Variants in RNF123 observed in about 807,000 individuals in gnomAD.
RNF123 encodes E3 ubiquitin-protein ligase RNF123.
RNF123 carries 86 observed loss-of-function variants against 168.5 expected under a neutral mutation model. The observed-to-expected ratio is 0.51, with a 90% confidence interval of 0.43 to 0.61. RNF123 has a LOEUF of 0.61. Ranked by LOEUF, RNF123 falls within the 20% of genes least tolerant of loss-of-function variation. RNF123 has a pLI of 0.00. For missense variants in RNF123, 1,419 were observed against 1,729.7 expected (o/e 0.82, Z 3.19); for synonymous variants, 666 against 689.1 (o/e 0.97, Z 0.52).
At chr3:49,711,303 A>C (rs1182834973) in intron 26 of RNF123, among the ~76,000 whole-genome samples, 1 of 152,070 alleles carries the variant, frequency 6.6e-6, no homozygotes, top group Non-Finnish European at 1.5e-5. Context: ...ATGTGCCCAA[A>C]AGTTATGCTC....
intron 5 of RNF123, 113 bp from the exon 6 acceptor site, chr3:49,697,772 C>A: frequency 7.6e-7 from 1 of 1,317,308 alleles, no homozygotes; most frequent in Non-Finnish European, 1.1e-6. Flanking sequence ...GCAGTGTTGG[C>A]CGCCACAGGC....
At position 49,702,350 on chromosome 3, in the gene RNF123, A is replaced by G; in HGVS notation, c.1574A>G (p.Tyr525Cys). 3 of 1,614,194 alleles carry G rather than the reference A, an allele frequency of 1.9e-6. No homozygotes were observed. Among genetic ancestry groups the G allele is most frequent in the Non-Finnish European group, 2.5e-6 (3 of 1,180,024 alleles). ...CTCTCAAAGGGTGAAGCTTCTAGGTATATCTTCCTGACCAAGTTTCGCAAG... is the reference window on the plus strand; with the variant it reads ...CTCTCAAAGGGTGAAGCTTCTAGGTGTATCTTCCTGACCAAGTTTCGCAAG... Reference protein sequence around the residue: ...KDDNGGEASRYIFLTKFRKFL... With the variant: ...KDDNGGEASRCIFLTKFRKFL... The change falls in exon 19 of 39, where the codon TAT (tyrosine) becomes TGT (cysteine). Residue 525 changes from tyrosine to cysteine, a missense_variant. Tyr to Cys is a radical substitution (Grantham distance 194, BLOSUM62 -2). This residue lies in a region of RNF123 where 349 missense variants were observed against 344.9 expected (regional missense o/e 1.01). Transcript: ENST00000327697.
rs1421164378 is a variant in RNF123 at position 49,721,509 on chromosome 3, A to G, written c.*204A>G. On this transcript the variant is annotated 3_prime_UTR_variant, in exon 39 of 39. Coordinates refer to ENST00000327697, the MANE Select transcript of RNF123 (RefSeq NM_022064.5). Reference sequence around the variant, plus strand: ...ACTTTCAGTCAGGGCCACAGTGAGCATTAAATTATTATTCCATACAGCCCT... The same window carrying G: ...ACTTTCAGTCAGGGCCACAGTGAGCGTTAAATTATTATTCCATACAGCCCT... 1 of 837,770 alleles carries G rather than the reference A, an allele frequency of 1.2e-6. No homozygotes were observed. Among genetic ancestry groups the G allele is most frequent in the Non-Finnish European group, 2.0e-6 (1 of 498,044 alleles). 51.9% of individuals were successfully genotyped at this position (837,770 alleles called of 1,614,324 possible). A position where few individuals can be genotyped will look rare whatever the true frequency, so the allele number is the denominator to read the frequency against.
intron 26 of RNF123, among the ~76,000 whole-genome samples, chr3:49,710,721 T>G (rs998032419): frequency 7.2e-5 from 11 of 152,240 alleles, no homozygotes; most frequent in African/African-American, 2.7e-4. Context: ...TGTGGTTTCC[T>G]TTCTTTTTCA....
At chr3:49,690,315 G>A (rs1408895099) in intron 1 of RNF123, among the ~76,000 whole-genome samples, 3 of 152,254 alleles carry the variant, frequency 2.0e-5, no homozygotes. Flanking sequence ...CTCTTGAAAT[G>A]TGGCTAAGGC....
At position 49,716,567 on chromosome 3, in the gene RNF123, C is replaced by T. The variant is rs1233424494; in HGVS notation, c.3500+90C>T. The T allele has an allele frequency of 2.5e-5, 28 of 1,142,730 alleles. 1 individual carries two copies. The highest frequency in any genetic ancestry group is 8.0e-5 in the Admixed American group (4 of 49,946). The allele number at this position is 1,142,730 out of a possible 1,614,324, so 70.8% of individuals were successfully genotyped here. A position where few individuals can be genotyped will look rare whatever the true frequency, so the allele number is the denominator to read the frequency against. ...GGGCCTCCTGGTACTTCAGTTTCCT[C>T]ATCTGGAAAATGGACCTCAGCATCA... On this transcript the variant is annotated intron_variant, in intron 35 of 38. Coordinates refer to ENST00000327697, the MANE Select transcript of RNF123 (RefSeq NM_022064.5).
intron 26 of RNF123, among the ~76,000 whole-genome samples, chr3:49,711,308 A>G (rs374069012): frequency 4.6e-5 from 7 of 152,056 alleles, no homozygotes; most frequent in South Asian, 4.2e-4. Flanking sequence ...CCCAAAAGTT[A>G]TGCTCTCTCC....
At chr3:49,698,200 A>G in intron 7 of RNF123, 63 bp downstream of exon 7, 10 of 1,437,574 alleles carry the variant, frequency 7.0e-6, no homozygotes, top group African/African-American at 1.4e-5. Flanking sequence ...CACAGGCCTC[A>G]TCAGGTCTCC....
Position 49,714,103 on chromosome 3 carries a change from G to GGTACC in RNF123, c.2941_2945dup (p.Tyr983ThrfsTer10). On this transcript the variant is annotated frameshift_variant, in exon 31 of 39. Coordinates refer to ENST00000327697, the MANE Select transcript of RNF123 (RefSeq NM_022064.5). LOFTEE classifies it high-confidence loss of function. ...CCACCTCCACAGGGCTGTGGCTTCGGGTACCGCTATACACGGCTGCCACAT... is the reference window on the plus strand; with the variant it reads ...CCACCTCCACAGGGCTGTGGCTTCGGGTACCGTACCGCTATACACGGCTGCCACAT... The GGTACC allele has an allele frequency of 6.2e-7, 1 of 1,614,086 alleles. No homozygotes were observed. The highest frequency in any genetic ancestry group is 1.1e-5 in the South Asian group (1 of 91,086).
chr3:49,706,454 G>A (rs1410370959), intron 25 of RNF123, among the ~76,000 whole-genome samples: 2 of 152,184 alleles, frequency 1.3e-5, no homozygotes, highest in African/African-American at 4.8e-5. Flanking sequence ...GAGCTTCCCT[G>A]ACAGCCCCCA....
At position 49,715,640 on chromosome 3, in the gene RNF123, G is replaced by C. The variant is rs759377248; in HGVS notation, c.3076G>C (p.Ala1026Pro). The change falls in exon 32 of 39, where the codon GCA (alanine) becomes CCA (proline). Residue 1026 changes from alanine to proline, a missense_variant. Around this residue, in one of 5 missense-constraint regions of RNF123, gnomAD observed 538 missense variants for 708.8 expected, o/e 0.76. Coordinates refer to ENST00000327697, the MANE Select transcript of RNF123 (RefSeq NM_022064.5). ...ADLLQQGPDV[A>P]PSFLNSVLNQ... ...CCTCCTACAGCAGGGTCCTGATGTG[G>C]CACCCAGCTTCCTCAACAGCGTCCT... 2 of 1,614,074 alleles carry C rather than the reference G, an allele frequency of 1.2e-6. No individual in the cohort carries two copies. The highest frequency in any genetic ancestry group is 1.7e-6 in the Non-Finnish European group (2 of 1,180,044).
chr3:49,690,027 G>A (rs1393833283), intron 1 of RNF123, among the ~76,000 whole-genome samples: 1 of 152,060 alleles, frequency 6.6e-6, no homozygotes, highest in African/African-American at 2.4e-5. Flanking sequence ...TAGTGAAGGG[G>A]CACCGATCAT....
intron 3 of RNF123, among the ~76,000 whole-genome samples, chr3:49,692,428 A>G (rs924118793): frequency 6.6e-6 from 1 of 152,230 alleles, no homozygotes; most frequent in Non-Finnish European, 1.5e-5. Context: ...ATGCGTAATA[A>G]TCACATCATG....
Position 49,705,034 on chromosome 3 carries a change from CG to C in RNF123, c.2012del (p.Gly671AlafsTer20), listed in dbSNP as rs902239646. 1.2e-6 allele frequency: 2 copies of C among 1,609,956 alleles called. No individual in the cohort carries two copies. The highest frequency in any genetic ancestry group is 2.7e-5 in the African/African-American group (2 of 74,856). Reference protein sequence around the residue: ...VGGPLPLPRPGWLSSPTLGRA... With the variant: ...VGGPLPLPRPXWLSSPTLGRA... ...GGGGGCCACTGCCCCTGCCCCGGCC[CG>C]GCTGGCTCAGTTCTCCAACTTTGGG... is the stretch of plus-strand genomic sequence containing the variant. On this transcript the variant is annotated frameshift_variant, in exon 23 of 39. Coordinates refer to ENST00000327697, the MANE Select transcript of RNF123 (RefSeq NM_022064.5). LOFTEE classifies it high-confidence loss of function.
At chr3:49,696,330 T>C in intron 3 of RNF123, among the ~76,000 whole-genome samples, 1 of 152,056 alleles carries the variant, frequency 6.6e-6, no homozygotes, top group South Asian at 2.1e-4. Flanking sequence ...ATGAAGGAAT[T>C]AAGACTTAGA....
In RNF123 at chr3:49,702,444, C is replaced by T. The variant is rs763769815; in HGVS notation, c.1629+39C>T. The T allele has an allele frequency of 2.5e-6, 4 of 1,607,498 alleles. No individual in the cohort carries two copies. In the South Asian group the frequency reaches 4.4e-5, roughly 18 times the overall value. Reference sequence around the variant, plus strand: ...AGGCCAGCCCACTGTGGATCCCCGGCTGCACTACACATGCCATGCCCTCAG... The same window carrying T: ...AGGCCAGCCCACTGTGGATCCCCGGTTGCACTACACATGCCATGCCCTCAG... On this transcript the variant is annotated intron_variant, in intron 19 of 38. Transcript: ENST00000327697.
intron 35 of RNF123, 81 bp downstream of exon 35, chr3:49,716,558 C>T: frequency 2.5e-6 from 3 of 1,190,392 alleles, no homozygotes; most frequent in Non-Finnish European, 3.7e-6. Flanking sequence ...CCTGGTACTT[C>T]AGTTTCCTCA....
intron 27 of RNF123, chr3:49,712,991 T>G: frequency 1.4e-6 from 1 of 697,940 alleles, no homozygotes; most frequent in Non-Finnish European, 2.6e-6. Context: ...TCCCTGGCAC[T>G]GGTCACAAAG....
chr3:49,703,659 G>C, intron 21 of RNF123, 131 bp downstream of exon 21: 1 of 664,840 alleles, frequency 1.5e-6, no homozygotes, highest in African/African-American at 1.8e-5. Flanking sequence ...ACCCACTCAG[G>C]CAGGGAGACA....
Sources: gnomAD v4.1 joint callset for allele counts (sites outside exome capture counted in the v4.1 genomes callset) on GRCh38, gnomAD v4.1.1 for gene constraint, gnomAD v4.1.1 regional missense constraint, MANE v1.5 for transcripts, NCBI Gene and HGNC (gene_info 2026-07-23, HGNC 2026-07-21) for gene names.